GRIP1: variants seen among roughly 807,000 people sequenced by gnomAD.
The protein encoded by GRIP1 is glutamate receptor interacting protein 1.
GRIP1 carries 45 observed loss-of-function variants against 129.9 expected under a neutral mutation model. That is an observed-to-expected ratio of 0.35 (90% CI 0.27 to 0.44). GRIP1 has a LOEUF of 0.44. Ranked by LOEUF, GRIP1 falls within the 20% of genes least tolerant of loss-of-function variation. The pLI is 1.00. For synonymous variants in GRIP1, 530 were observed against 520.8 expected (o/e 1.02, Z -0.24); for missense variants, 1,196 against 1,396.8 (o/e 0.86, Z 2.29).
At chr12:66,571,348 C>T (rs1446758763) in intron 2 of GRIP1, among the ~76,000 whole-genome samples, 2 of 152,152 alleles carry the variant, frequency 1.3e-5, no homozygotes, top group African/African-American at 4.8e-5. Context: ...GAAAAATATG[C>T]CTGCTGAGTA....
intron 1 of GRIP1, among the ~76,000 whole-genome samples, chr12:66,970,171 TC>T (rs1254077774): frequency 3.3e-5 from 5 of 152,134 alleles, no homozygotes; most frequent in Admixed American, 6.6e-5. Context: ...AGTCTTGACC[TC>T]CTGGGCTCAA....
Position 66,348,614 on chromosome 12 carries a change from T to G in GRIP1, c.*405A>C, listed in dbSNP as rs896117289. ...AAGCTTTGTTGGCCAAGTTCTTACATTAATGACTTCATAGTAAGAAACTGA... is the reference window on the plus strand; with the variant it reads ...AAGCTTTGTTGGCCAAGTTCTTACAGTAATGACTTCATAGTAAGAAACTGA... On this transcript the variant is annotated 3_prime_UTR_variant, in exon 25 of 25. Coordinates refer to ENST00000359742, the MANE Select transcript of GRIP1 (RefSeq NM_001366722.1). 2.4e-5 allele frequency: 5 copies of G among 209,760 alleles called. No homozygotes were observed. The Admixed American group carries it at 2.6e-4, about 11-fold the overall frequency. The allele number at this position is 209,760 out of a possible 1,614,324, so 13.0% of individuals were successfully genotyped here.
chr12:66,663,227 T>C (rs2033616153), intron 1 of GRIP1, among the ~76,000 whole-genome samples: 1 of 152,208 alleles, frequency 6.6e-6, no homozygotes, highest in Admixed American at 6.5e-5. Flanking sequence ...GATACACTAA[T>C]GATAAAATGC....
chr12:66,569,997 CAATAAT>C (rs1190608065), intron 2 of GRIP1, among the ~76,000 whole-genome samples: 2 of 151,920 alleles, frequency 1.3e-5, no homozygotes, highest in African/African-American at 4.8e-5. Context: ...CATGCACAGG[CAATAAT>C]AATAATATTA....
At position 66,905,359 on chromosome 12, in the gene GRIP1, T is replaced by G. The variant is rs74098141; in HGVS notation, c.58+163691A>C. ...GTGTTTGTGAGGTGTGAGTGCCTAGTGCCTAGATAGAGATGATAGATGCCA... is the reference window on the plus strand; with the variant it reads ...GTGTTTGTGAGGTGTGAGTGCCTAGGGCCTAGATAGAGATGATAGATGCCA... On this transcript the variant is annotated intron_variant, in intron 1 of 1. Transcript: ENST00000643019. Among the ~76,000 whole-genome samples, 756 of 150,892 alleles carry G rather than the reference T, an allele frequency of 5.0e-3. 8 individuals carry two copies. The highest frequency in any genetic ancestry group is 0.017 in the African/African-American group (703 of 41,284).
chr12:66,953,704 G>C (rs1243669577), intron 1 of GRIP1, among the ~76,000 whole-genome samples: 1 of 151,986 alleles, frequency 6.6e-6, no homozygotes, highest in African/African-American at 2.4e-5. Context: ...TCTCACCAGG[G>C]ATGACAGATT....
intron 1 of GRIP1, among the ~76,000 whole-genome samples, chr12:66,766,144 C>A (rs189380316): frequency 6.6e-6 from 1 of 152,150 alleles, no homozygotes; most frequent in Non-Finnish European, 1.5e-5. Flanking sequence ...GCTGACAACT[C>A]GAAACACTAG....
chr12:66,771,611 C>A (rs1402700782), intron 1 of GRIP1, among the ~76,000 whole-genome samples: 1 of 152,124 alleles, frequency 6.6e-6, no homozygotes, highest in Non-Finnish European at 1.5e-5. Flanking sequence ...GCAGAGAGGT[C>A]CCCAGGAATG....
chr12:66,613,196 A>C (rs2064884030), intron 1 of GRIP1, among the ~76,000 whole-genome samples: 2 of 152,180 alleles, frequency 1.3e-5, no homozygotes, highest in African/African-American at 4.8e-5. Flanking sequence ...CTTTCATAGC[A>C]CGAGGATATC....
At chr12:66,368,862 C>T (rs910374584) in intron 23 of GRIP1, among the ~76,000 whole-genome samples, 7 of 152,292 alleles carry the variant, frequency 4.6e-5, no homozygotes, top group Middle Eastern at 3.4e-3. Flanking sequence ...TATCTCCTCC[C>T]CAGCACTTCA....
At chr12:66,997,429 G>T (rs977259695) in intron 1 of GRIP1, among the ~76,000 whole-genome samples, 13 of 152,052 alleles carry the variant, frequency 8.5e-5, no homozygotes, top group Non-Finnish European at 1.5e-5. Flanking sequence ...AAAATAAGAA[G>T]AATAACAGGA....
chr12:66,866,603 A>G (rs1386068461), intron 1 of GRIP1, among the ~76,000 whole-genome samples: 1 of 152,204 alleles, frequency 6.6e-6, no homozygotes, highest in Non-Finnish European at 1.5e-5. Context: ...AACATTTTCA[A>G]GTAACTTAGA....
At chr12:66,765,462 G>GTGTTGCTCTAT (rs2037606873) in intron 1 of GRIP1, among the ~76,000 whole-genome samples, 1 of 152,188 alleles carries the variant, frequency 6.6e-6, no homozygotes, top group Non-Finnish European at 1.5e-5. Flanking sequence ...AAGTGAAACA[G>GTGTTGCTCTAT]GAAATGTCAT....
At chr12:66,530,519 T>G (rs1328620552) in intron 4 of GRIP1, among the ~76,000 whole-genome samples, 1 of 152,194 alleles carries the variant, frequency 6.6e-6, no homozygotes, top group Non-Finnish European at 1.5e-5. Context: ...TGACTTAATT[T>G]TACTTGATAT....
chr12:66,730,311 G>A (rs2136493001), intron 1 of GRIP1, among the ~76,000 whole-genome samples: 1 of 152,222 alleles, frequency 6.6e-6, no homozygotes, highest in South Asian at 2.1e-4. Flanking sequence ...TATCACTAAT[G>A]GCTAGTAGTG....
At chr12:66,988,321 T>C (rs1261412134) in intron 1 of GRIP1, among the ~76,000 whole-genome samples, 1 of 152,140 alleles carries the variant, frequency 6.6e-6, no homozygotes, top group African/African-American at 2.4e-5. Context: ...AACATGCAAA[T>C]ATTTACTAGG....
chr12:66,879,922 A>C (rs1404163101), intron 1 of GRIP1, among the ~76,000 whole-genome samples: 4 of 152,056 alleles, frequency 2.6e-5, no homozygotes, highest in African/African-American at 9.7e-5. Flanking sequence ...CAGATGCCAG[A>C]GTCAACTGCA....
intron 1 of GRIP1, among the ~76,000 whole-genome samples, chr12:66,927,223 T>C (rs1355505023): frequency 4.6e-5 from 7 of 152,320 alleles, no homozygotes; most frequent in Admixed American, 1.3e-4. Flanking sequence ...TATACATCCC[T>C]TTATTATTGC....
intron 1 of GRIP1, among the ~76,000 whole-genome samples, chr12:66,700,942 G>A (rs1021800880): frequency 2.0e-5 from 3 of 152,134 alleles, no homozygotes; most frequent in Non-Finnish European, 2.9e-5. Flanking sequence ...ACTATGCTAT[G>A]TGCTTGACCT....
Sources: gnomAD v4.1 joint callset for allele counts (sites outside exome capture counted in the v4.1 genomes callset) on GRCh38, gnomAD v4.1.1 for gene constraint, MANE v1.5 for transcripts, NCBI Gene and HGNC (gene_info 2026-07-23, HGNC 2026-07-21) for gene names.